Variants in OXSR1 observed in about 807,000 individuals in gnomAD.
OXSR1 encodes oxidative stress responsive kinase 1, also known as serine/threonine-protein kinase OSR1.
OXSR1 carries 24 observed loss-of-function variants against 79.8 expected under a neutral mutation model. The observed-to-expected ratio is 0.30, with a 90% CI of 0.22 to 0.42. The LOEUF is 0.42. Ranked by LOEUF, OXSR1 falls within the 10% of genes least tolerant of loss-of-function variation. The pLI is 1.00. For missense variants in OXSR1, 430 were observed against 618.4 expected (o/e 0.70, Z 3.23); for synonymous variants, 226 against 209.2 (o/e 1.08, Z -0.69).
At chr3:38,217,499 T>C (rs1423476101) in intron 5 of OXSR1, among the ~76,000 whole-genome samples, 1 of 152,154 alleles carries the variant, frequency 6.6e-6, no homozygotes, top group African/African-American at 2.4e-5. Context: ...GTTAATTATA[T>C]ACTGGAATAC....
intron 4 of OXSR1, among the ~76,000 whole-genome samples, chr3:38,209,428 T>G (rs2125827348): frequency 6.6e-6 from 1 of 152,084 alleles, no homozygotes. Flanking sequence ...CACTTTGGCA[T>G]TGGGACCTTT....
intron 11 of OXSR1, among the ~76,000 whole-genome samples, chr3:38,238,371 C>T (rs1702961650): frequency 6.6e-6 from 1 of 151,970 alleles, no homozygotes; most frequent in African/African-American, 2.4e-5. Context: ...GGAGAAAAAT[C>T]TTATTTTTAT....
At chr3:38,193,482 G>C in intron 3 of OXSR1, 1 of 1,029,464 alleles carries the variant, frequency 9.7e-7, no homozygotes, top group Non-Finnish European at 1.3e-6. Context: ...TAATTTACGA[G>C]AATATGTAAT....
intron 2 of OXSR1, among the ~76,000 whole-genome samples, chr3:38,188,240 C>T (rs1174875546): frequency 6.6e-6 from 1 of 152,152 alleles, no homozygotes; most frequent in East Asian, 1.9e-4. Context: ...TTGTCACTCT[C>T]TCATGTGATT....
At chr3:38,227,999 C>T (rs1336563695) in intron 8 of OXSR1, among the ~76,000 whole-genome samples, 2 of 152,172 alleles carry the variant, frequency 1.3e-5, no homozygotes, top group East Asian at 3.9e-4. Context: ...ATTGTTTGAA[C>T]ATCGTGGAGT....
intron 11 of OXSR1, among the ~76,000 whole-genome samples, chr3:38,239,918 C>G (rs1201674315): frequency 6.6e-6 from 1 of 152,198 alleles, no homozygotes; most frequent in Non-Finnish European, 1.5e-5. Flanking sequence ...CTTTTTTTCC[C>G]TGTCTTCCAG....
chr3:38,171,965 C>T (rs1393326663), intron 1 of OXSR1, among the ~76,000 whole-genome samples: 1 of 152,200 alleles, frequency 6.6e-6, no homozygotes, highest in Non-Finnish European at 1.5e-5. Context: ...TGATTAGTTT[C>T]CGTGTCAGCT....
intron 1 of OXSR1, among the ~76,000 whole-genome samples, chr3:38,174,155 A>G (rs544792060): frequency 1.1e-4 from 16 of 152,314 alleles, no homozygotes; most frequent in Admixed American, 8.5e-4. Context: ...TTAGAAAGGT[A>G]AGGTGGTATG....
intron 2 of OXSR1, among the ~76,000 whole-genome samples, chr3:38,183,513 C>T (rs1008610073): frequency 4.6e-5 from 7 of 152,112 alleles, no homozygotes; most frequent in African/African-American, 1.7e-4. Context: ...ATGATATTTG[C>T]TAATTACTTT....
At chr3:38,204,202 G>A (rs1465587628) in intron 4 of OXSR1, among the ~76,000 whole-genome samples, 2 of 152,122 alleles carry the variant, frequency 1.3e-5, no homozygotes, top group Admixed American at 1.3e-4. Flanking sequence ...TGGGGTGAAT[G>A]CTGCCAGTCC....
intron 11 of OXSR1, among the ~76,000 whole-genome samples, chr3:38,241,436 A>G (rs565751872): frequency 6.6e-6 from 1 of 152,168 alleles, no homozygotes; most frequent in Admixed American, 6.5e-5. Context: ...TAGTGTTGAC[A>G]TTTACGCTAT....
chr3:38,241,798 T>G (rs1392180642), intron 11 of OXSR1, among the ~76,000 whole-genome samples: 1 of 151,726 alleles, frequency 6.6e-6, no homozygotes, highest in African/African-American at 2.4e-5. Context: ...TTTACAAAGT[T>G]GTTTGTTTTT....
At chr3:38,178,544 TTC>T (rs1259369253) in intron 1 of OXSR1, among the ~76,000 whole-genome samples, 1 of 149,764 alleles carries the variant, frequency 6.7e-6, no homozygotes, top group Non-Finnish European at 1.5e-5. Context: ...GTTCAAGCGA[TTC>T]TCCTGCCTCA....
At chr3:38,201,144 A>AT (rs1193398520) in intron 4 of OXSR1, among the ~76,000 whole-genome samples, 1 of 151,956 alleles carries the variant, frequency 6.6e-6, no homozygotes, top group African/African-American at 2.4e-5. Context: ...GGGCTCAAGC[A>AT]TTCCTCCCAC....
chr3:38,166,038 C>T (rs34178602), intron 1 of OXSR1, 92 bp downstream of exon 1: 23,138 of 1,166,016 alleles, frequency 0.02, 315 homozygotes, highest in Non-Finnish European at 0.023. Context: ...GGGAGCGCAG[C>T]CCTCATAGGA....
At chr3:38,232,855 T>G (rs1166675130) in intron 10 of OXSR1, among the ~76,000 whole-genome samples, 1 of 152,142 alleles carries the variant, frequency 6.6e-6, no homozygotes, top group Non-Finnish European at 1.5e-5. Flanking sequence ...TTTTCAAAAC[T>G]TTGATGCCCA....
At chr3:38,166,170 G>C (rs942662657) in intron 1 of OXSR1, among the ~76,000 whole-genome samples, 1 of 152,058 alleles carries the variant, frequency 6.6e-6, no homozygotes, top group East Asian at 1.9e-4. Flanking sequence ...GGTGAGGCTT[G>C]AGGGGGCTCA....
intron 11 of OXSR1, among the ~76,000 whole-genome samples, chr3:38,239,578 C>G (rs891165685): frequency 1.3e-5 from 2 of 152,200 alleles, no homozygotes; most frequent in Non-Finnish European, 2.9e-5. Context: ...GAAATAGGCA[C>G]TGTTCCTGGC....
Position 38,165,659 on chromosome 3 carries a change from G to C in OXSR1, c.-218G>C. The C allele has an allele frequency of 1.9e-6, 1 of 530,710 alleles. No individual in the cohort carries two copies. Among genetic ancestry groups the C allele is most frequent in the East Asian group, 3.4e-5 (1 of 29,798 alleles). 32.9% of individuals were successfully genotyped at this position (530,710 alleles called of 1,614,324 possible). ...GGCTGGGCCGGGCAGTGCCGGACTC[G>C]GAGGAGCAGGAGGCGAGGTCCGCCG... On this transcript the variant is annotated 5_prime_UTR_variant, in exon 1 of 18. Coordinates refer to ENST00000311806, the MANE Select transcript of OXSR1 (RefSeq NM_005109.3).
Sources: gnomAD v4.1 joint callset for allele counts (sites outside exome capture counted in the v4.1 genomes callset) on GRCh38, gnomAD v4.1.1 for gene constraint, MANE v1.5 for transcripts, NCBI Gene and HGNC (gene_info 2026-07-23, HGNC 2026-07-21) for gene names.